Variants in TGFBR1 observed in about 807,000 individuals in gnomAD.
TGFBR1 encodes the protein TGF-beta receptor type-1.
TGFBR1 carries 20 observed loss-of-function variants against 55.1 expected under a neutral mutation model. The ratio of observed to expected loss-of-function variants is 0.36; its 90% confidence interval spans 0.26 to 0.53. The LOEUF is 0.53. TGFBR1 is among the 20% of genes least tolerant of loss of function. The probability of loss-of-function intolerance (pLI) is 0.91; values close to 1 mark genes in which losing one functional copy is unlikely to be tolerated. For missense variants in TGFBR1, 385 were observed against 617.6 expected, an observed-to-expected ratio of 0.62 and a Z score of 3.99; for synonymous variants, 220 against 214.8, an observed-to-expected ratio of 1.02 and a Z score of -0.21.
chr9:99,152,624 A>G lies in TGFBR1; in HGVS notation c.*3319A>G, dbSNP rs1447176415. On this transcript the variant is annotated 3_prime_UTR_variant, in exon 9 of 9. Transcript: ENST00000374994. ...GAGTGCACAACAAAATCACTATCCC[A>G]TTAGACACATCATCAAAAGCTTATT... 3 of 228,426 alleles carry G rather than the reference A, an allele frequency of 1.3e-5. No homozygotes were observed. Among genetic ancestry groups the G allele is most frequent in the African/African-American group, 6.7e-5 (3 of 45,104 alleles). The allele number at this position is 228,426 out of a possible 1,614,324, so 14.1% of individuals were successfully genotyped here.
intron 1 of TGFBR1, among the ~76,000 whole-genome samples, chr9:99,111,071 A>G (rs566721998): frequency 6.6e-6 from 1 of 152,174 alleles, no homozygotes; most frequent in African/African-American, 2.4e-5. Flanking sequence ...GGCCATTCAG[A>G]TACTAACAGT....
At chr9:99,128,475 TAAAAA>T (rs66612011) in intron 1 of TGFBR1, among the ~76,000 whole-genome samples, 1,845 of 103,994 alleles carry the variant, frequency 0.018, 35 homozygotes, top group African/African-American at 0.054. Context: ...TTGGGCCTGG[TAAAAA>T]AAAAAAAAAA....
intron 3 of TGFBR1, among the ~76,000 whole-genome samples, chr9:99,136,420 CT>C (rs1200372689): frequency 6.6e-6 from 1 of 152,026 alleles, no homozygotes; most frequent in Non-Finnish European, 1.5e-5. Flanking sequence ...GATTAGTCTC[CT>C]GAAATTAACT....
At chr9:99,125,445 A>T (rs2118514618) in intron 1 of TGFBR1, among the ~76,000 whole-genome samples, 1 of 152,382 alleles carries the variant, frequency 6.6e-6, no homozygotes, top group African/African-American at 2.4e-5. Flanking sequence ...ATTTACTGCT[A>T]ACAAATGTTT....
intron 4 of TGFBR1, 112 bp from the exon 5 acceptor site, chr9:99,142,424 G>A (rs1827641504): frequency 9.0e-7 from 1 of 1,112,214 alleles, no homozygotes; most frequent in African/African-American, 1.5e-5. Context: ...GACTTAAGGT[G>A]GCATTATATT....
chr9:99,127,031 C>T (rs1242016819), intron 1 of TGFBR1, among the ~76,000 whole-genome samples: 1 of 152,164 alleles, frequency 6.6e-6, no homozygotes, highest in Non-Finnish European at 1.5e-5. Context: ...TGGGAGTCTG[C>T]AGGGCCATCC....
At chr9:99,134,801 A>T (rs1343682635) in intron 3 of TGFBR1, among the ~76,000 whole-genome samples, 1 of 49,008 alleles carries the variant, frequency 2.0e-5, no homozygotes, top group Non-Finnish European at 3.8e-5. Context: ...TTCTGTTTCC[A>T]TTATATATAT....
At chr9:99,132,442 A>G in intron 2 of TGFBR1, 67 bp from the exon 3 acceptor site, 3 of 1,602,040 alleles carry the variant, frequency 1.9e-6, no homozygotes, top group Non-Finnish European at 2.5e-6. Flanking sequence ...GATTGGGAAA[A>G]TGGGGGTTGC....
intron 1 of TGFBR1, among the ~76,000 whole-genome samples, chr9:99,107,692 A>G (rs1826454388): frequency 6.6e-6 from 1 of 152,174 alleles, no homozygotes; most frequent in Non-Finnish European, 1.5e-5. Flanking sequence ...GAAGGTTTAT[A>G]AGATTTCCCA....
intron 1 of TGFBR1, among the ~76,000 whole-genome samples, chr9:99,127,279 G>A (rs543067429): frequency 1.3e-5 from 2 of 152,270 alleles, no homozygotes; most frequent in East Asian, 3.9e-4. Flanking sequence ...GTCAACCAGG[G>A]AAGTTCGCTT....
intron 1 of TGFBR1, among the ~76,000 whole-genome samples, chr9:99,122,972 C>T (rs1289468890): frequency 6.6e-6 from 1 of 151,986 alleles, no homozygotes; most frequent in African/African-American, 2.4e-5. Context: ...AAAATTATTT[C>T]AAATATTATA....
intron 3 of TGFBR1, among the ~76,000 whole-genome samples, chr9:99,137,470 C>A (rs191631586): frequency 6.6e-6 from 1 of 152,282 alleles, no homozygotes; most frequent in African/African-American, 2.4e-5. Context: ...AGCTTACTTT[C>A]TCTTTTCACT....
intron 1 of TGFBR1, among the ~76,000 whole-genome samples, chr9:99,105,657 C>G (rs1001424637): frequency 6.6e-6 from 1 of 152,020 alleles, no homozygotes; most frequent in Non-Finnish European, 1.5e-5. Flanking sequence ...AGTGCGAGGC[C>G]GGCGGGGACT....
At chr9:99,131,767 G>A (rs1162738558) in intron 2 of TGFBR1, among the ~76,000 whole-genome samples, 1 of 152,080 alleles carries the variant, frequency 6.6e-6, no homozygotes, top group East Asian at 1.9e-4. Context: ...TTAGGGGTTC[G>A]AGACCAGCCT....
At position 99,146,695 on chromosome 9, in the gene TGFBR1, T is replaced by C. The variant is rs1827808074; in HGVS notation, c.1255+86T>C. 5 of 1,586,422 alleles carry C rather than the reference T, an allele frequency of 3.2e-6. No individual in the cohort carries two copies. In the Admixed American group the frequency reaches 5.0e-5, roughly 16 times the overall value. ...TTCTTTTTTTAATTGAATGAAATTA[T>C]GTACAGTCCATTATCTGAAACAGGA... is the stretch of plus-strand genomic sequence containing the variant. On this transcript the variant is annotated intron_variant, in intron 7 of 8. Transcript: ENST00000374994.
intron 1 of TGFBR1, among the ~76,000 whole-genome samples, chr9:99,113,805 T>C (rs1826653855): frequency 6.6e-6 from 1 of 152,228 alleles, no homozygotes; most frequent in Non-Finnish European, 1.5e-5. Flanking sequence ...TTCAGCTCAA[T>C]GTAAGGAATG....
At chr9:99,142,885 C>T (rs1284241471) in intron 5 of TGFBR1, among the ~76,000 whole-genome samples, 182 bp downstream of exon 5, 7 of 152,060 alleles carry the variant, frequency 4.6e-5, no homozygotes, top group Admixed American at 1.3e-4. Context: ...ATGACAAAAC[C>T]GCATCTCTAC....
At position 99,138,695 on chromosome 9, in the gene TGFBR1, G is replaced by A. The variant is rs537701002; in HGVS notation, c.805+606G>A. On this transcript the variant is annotated intron_variant, in intron 4 of 8. Coordinates refer to ENST00000374994, the MANE Select transcript of TGFBR1 (RefSeq NM_004612.4). ...GGTCAGATGCTGAAGAAGGAAGGAA[G>A]CCTGTCAGCAGGGAGTCAGAATGAG... Among the ~76,000 whole-genome samples, 5 of 152,280 alleles carry A rather than the reference G, an allele frequency of 3.3e-5. No homozygotes were observed. The East Asian group carries it at 9.6e-4, about 29-fold the overall frequency.
At chr9:99,118,794 G>A (rs1300584828) in intron 1 of TGFBR1, among the ~76,000 whole-genome samples, 2 of 151,710 alleles carry the variant, frequency 1.3e-5, no homozygotes, top group Admixed American at 6.6e-5. Flanking sequence ...CTACAGGTGC[G>A]TGCCACCACA....
Sources: allele counts gnomAD v4.1 joint callset (sites outside exome capture counted in the v4.1 genomes callset), GRCh38; gene constraint gnomAD v4.1.1; transcripts MANE v1.5; gene names NCBI Gene and HGNC (gene_info 2026-07-23, HGNC 2026-07-21).